Variants in DHX37 observed in about 807,000 individuals in gnomAD.
DHX37 encodes the protein probable ATP-dependent RNA helicase DHX37.
Under a neutral mutation model 134.3 loss-of-function variants are expected in DHX37, and 52 were observed. The ratio of observed to expected loss-of-function variants is 0.39; its 90% CI spans 0.31 to 0.49. The LOEUF (loss-of-function observed/expected upper bound fraction) is 0.49, where lower values mean the gene tolerates loss of function less well. Among genes scored for constraint, DHX37 ranks in the 20% least tolerant of loss-of-function variants. The pLI is 0.93. For synonymous variants in DHX37, 634 were observed against 670.7 expected (o/e 0.95, Z 0.85); for missense variants, 1,344 against 1,580.8 (o/e 0.85, Z 2.54).
intron 8 of DHX37, among the ~76,000 whole-genome samples, 172 bp from the exon 9 acceptor site, chr12:124,969,140 C>T (rs1291268574): frequency 6.6e-6 from 1 of 152,150 alleles, no homozygotes; most frequent in Non-Finnish European, 1.5e-5. Context: ...TGGGACCTGC[C>T]GCTCCCAGGG....
chr12:124,972,461 T>G, intron 7 of DHX37, 42 bp downstream of exon 7: 1 of 1,606,864 alleles, frequency 6.2e-7, no homozygotes, highest in Non-Finnish European at 8.5e-7. Flanking sequence ...CCCGCCCCCA[T>G]GCCCACTGGC....
chr12:124,988,120 AG>A (rs1307736166), intron 1 of DHX37, among the ~76,000 whole-genome samples: 1 of 151,080 alleles, frequency 6.6e-6, no homozygotes, highest in Admixed American at 6.6e-5. Flanking sequence ...CAGCCTCCCA[AG>A]TAGCTGGGAC....
chr12:124,982,686 G>A lies in DHX37; in HGVS notation c.277-63C>T. 3.8e-6 allele frequency: 6 copies of A among 1,581,184 alleles called. No individual in the cohort carries two copies. The South Asian group carries it at 6.8e-5, about 18-fold the overall frequency. On this transcript the variant is annotated intron_variant, in intron 2 of 26. Transcript: ENST00000308736. Reference sequence around the variant, plus strand: ...ACGACCCTCTCTTAAGAAGGGAAGTGAGACTGTAATAAAATTTCAGCATCA... The same window carrying A: ...ACGACCCTCTCTTAAGAAGGGAAGTAAGACTGTAATAAAATTTCAGCATCA...
Position 124,950,772 on chromosome 12 carries a change from G to C in DHX37, c.2901C>G (p.His967Gln). The change falls in exon 22 of 27, where the codon CAC becomes CAG. Residue 967 changes from histidine (H) to glutamine (Q), a missense_variant. His to Gln is a conservative substitution (Grantham distance 24, BLOSUM62 0). Coordinates refer to ENST00000308736, the MANE Select transcript of DHX37 (RefSeq NM_032656.4). ...TPLLDDPVFI[H>Q]PSSVLFKELP... ...GCTCTTTGAAAAGGACGGAGCTGGG[G>C]TGGATGAAGACAGGGTCGTCGAGGA... 1 of 1,609,446 alleles carries C rather than the reference G, an allele frequency of 6.2e-7. No homozygotes were observed. The highest frequency in any genetic ancestry group is 1.1e-5 in the South Asian group (1 of 90,554).
rs1378058415 is a variant in DHX37 at position 124,950,444 on chromosome 12, C to A, written c.3090G>T (p.Gly1030=). ...EPAPTYCPER[G]RVLCHRASVF... Reference sequence around the variant, plus strand: ...CGCTGGCCCGGTGACACAGCACCCGCCCCCGCTCGGGGCAGTATGTAGGGG... The same window carrying A: ...CGCTGGCCCGGTGACACAGCACCCGACCCCGCTCGGGGCAGTATGTAGGGG... Residue 1030 remains glycine, a synonymous_variant, in exon 23 of 27, where the codon GGG becomes GGT. Coordinates refer to ENST00000308736, the MANE Select transcript of DHX37 (RefSeq NM_032656.4). 6.3e-7 allele frequency: 1 copy of A among 1,593,114 alleles called. No individual in the cohort carries two copies. Among genetic ancestry groups the A allele is most frequent in the Non-Finnish European group, 8.6e-7 (1 of 1,169,128 alleles).
intron 18 of DHX37, 142 bp from the exon 19 acceptor site, chr12:124,954,353 G>T: frequency 7.7e-7 from 1 of 1,301,308 alleles, no homozygotes; most frequent in Non-Finnish European, 1.0e-6. Flanking sequence ...TTAAGGTCCA[G>T]CTCAAAATTC....
chr12:124,983,330 C>T (rs1954792980), intron 2 of DHX37, among the ~76,000 whole-genome samples: 2 of 151,616 alleles, frequency 1.3e-5, no homozygotes, highest in African/African-American at 2.4e-5. Context: ...ATCTCCTGAC[C>T]TCATGATCTG....
At chr12:124,958,112 A>C (rs1954139194) in intron 16 of DHX37, among the ~76,000 whole-genome samples, 1 of 152,198 alleles carries the variant, frequency 6.6e-6, no homozygotes, top group African/African-American at 2.4e-5. Flanking sequence ...TAAAGGGTAC[A>C]TGCTTCCTTT....
Position 124,950,483 on chromosome 12 carries a change from G to T in DHX37, c.3051C>A (p.Pro1017=). The T allele has an allele frequency of 6.3e-7, 1 of 1,577,374 alleles. No individual in the cohort carries two copies. The highest frequency in any genetic ancestry group is 1.7e-4 in the Middle Eastern group (1 of 5,808). ...LLPSYCQFDK[P]LEEPAPTYCP... is the part of the protein sequence containing the mutation. ...AGTATGTAGGGGCTGGTTCCTCCAG[G>T]GGCTTGTCAAACTGGCAGTAAGAGG... The change falls in exon 23 of 27, where the codon CCC becomes CCA. Residue 1017 remains proline, a synonymous_variant. Transcript: ENST00000308736.
rs1244336135 is a variant in DHX37 at position 124,972,539 on chromosome 12, G to A, written c.1041C>T (p.Phe347=). 6.2e-7 allele frequency: 1 copy of A among 1,614,208 alleles called. No individual in the cohort carries two copies. The highest frequency in any genetic ancestry group is 1.1e-5 in the South Asian group (1 of 91,076). ...CTTTAAGCAGCACACCATCCGTCAT[G>A]AACTTGATTCTGGTCTCCTCTGTCA... The part of the protein sequence containing the change: ...GNVTEETRIK[F]MTDGVLLKEI... Residue 347 remains phenylalanine, a synonymous_variant, in exon 7 of 27, where the codon TTC becomes TTT. Coordinates refer to ENST00000308736, the MANE Select transcript of DHX37 (RefSeq NM_032656.4).
At chr12:124,963,878 C>CAAAAAAAAA (rs71092251) in intron 15 of DHX37, among the ~76,000 whole-genome samples, 2 of 91,664 alleles carry the variant, frequency 2.2e-5, no homozygotes, top group African/African-American at 3.8e-5. Context: ...AGACTCGTCT[C>CAAAAAAAAA]AAAAAAAAAA....
rs1443062155 is a variant in DHX37, at chr12:124,968,666, A to G, written c.1294-18T>C. 3.1e-6 allele frequency: 5 copies of G among 1,613,222 alleles called. No individual in the cohort carries two copies. Among genetic ancestry groups the G allele is most frequent in the Non-Finnish European group, 4.2e-6 (5 of 1,180,024 alleles). On this transcript the variant is annotated intron_variant, in intron 9 of 26. Coordinates refer to ENST00000308736, the MANE Select transcript of DHX37 (RefSeq NM_032656.4). ...GATTCCACCTGTGGGACGCCCAGGA[A>G]GGCATGGGGAGTGGGGGGGACACGA...
chr12:124,975,549 C>A, intron 5 of DHX37, 38 bp from the exon 6 acceptor site: 1 of 1,600,040 alleles, frequency 6.2e-7, no homozygotes, highest in Non-Finnish European at 8.5e-7. Context: ...CAGTGCGCGG[C>A]CCCACCTGTT....
intron 6 of DHX37, among the ~76,000 whole-genome samples, chr12:124,972,877 G>A (rs931591638): frequency 2.2e-4 from 34 of 152,258 alleles, no homozygotes; most frequent in Admixed American, 1.9e-3. Flanking sequence ...AGGAGACACC[G>A]GGGAGACCTG....
chr12:124,984,568 C>T (rs1954827639), intron 2 of DHX37, among the ~76,000 whole-genome samples: 1 of 151,578 alleles, frequency 6.6e-6, no homozygotes, highest in East Asian at 1.9e-4. Context: ...ATTTAAAAAT[C>T]CAGAAGGTAG....
chr12:124,952,706 C>T (rs1953999720), intron 20 of DHX37, 136 bp from the exon 21 acceptor site: 3 of 878,528 alleles, frequency 3.4e-6, no homozygotes, highest in East Asian at 6.6e-5. Flanking sequence ...CCCCAGAGGC[C>T]ACCAGCAGGA....
Position 124,985,805 on chromosome 12 carries a change from G to T in DHX37, c.276+291C>A, listed in dbSNP as rs375618567. On this transcript the variant is annotated intron_variant, in intron 2 of 26. Transcript: ENST00000308736. ...GGGGGTGGGGGAACAAAACAAAAAA[G>T]AAAAAAAAATTAAATTTAAATTAAA... is the stretch of plus-strand genomic sequence containing the variant. Among the ~76,000 whole-genome samples, 822 of 89,714 alleles carry T rather than the reference G, an allele frequency of 9.2e-3. 5 individuals are homozygous for T. The highest frequency in any genetic ancestry group is 0.015 in the Non-Finnish European group (626 of 40,988). 58.9% of individuals were successfully genotyped at this position (89,714 alleles called of 152,430 possible). A position where few individuals can be genotyped will look rare whatever the true frequency, so the allele number is the denominator to read the frequency against.
Position 124,954,015 on chromosome 12 carries a change from G to C in DHX37, c.2579-19C>G. ...ACGGCGCCTGGGGAACGAAGAGGGG[G>C]CATGCTCTCTCTCTGACCCATCCCA... is the stretch of plus-strand genomic sequence containing the variant. On this transcript the variant is annotated intron_variant, in intron 19 of 26. Coordinates refer to ENST00000308736, the MANE Select transcript of DHX37 (RefSeq NM_032656.4). The C allele has an allele frequency of 1.2e-6, 2 of 1,613,638 alleles. No homozygotes were observed. Among genetic ancestry groups the C allele is most frequent in the South Asian group, 2.2e-5 (2 of 91,080 alleles).
chr12:124,954,535 A>G (rs1954051783), intron 18 of DHX37, among the ~76,000 whole-genome samples: 1 of 151,958 alleles, frequency 6.6e-6, no homozygotes, highest in South Asian at 2.1e-4. Flanking sequence ...CTGGGACTAC[A>G]GGTGCCCACC....
Sources: allele counts gnomAD v4.1 joint callset (sites outside exome capture counted in the v4.1 genomes callset), GRCh38; gene constraint gnomAD v4.1.1; transcripts MANE v1.5; gene names NCBI Gene and HGNC (gene_info 2026-07-23, HGNC 2026-07-21).